Variants in CNTLN observed in about 807,000 individuals in gnomAD.
CNTLN encodes the protein centlein.
In CNTLN, 212 loss-of-function variants were observed where a neutral mutation model predicts 180.0. The observed-to-expected ratio is 1.18, with a 90% CI of 1.05 to 1.32. The LOEUF (loss-of-function observed/expected upper bound fraction) is 1.32, where lower values mean the gene tolerates loss of function less well. Among genes scored for constraint, CNTLN ranks in the 40% most tolerant of loss-of-function variants. The probability of loss-of-function intolerance (pLI) is 0.00; values close to 1 mark genes in which losing one functional copy is unlikely to be tolerated. For missense variants in CNTLN, 2,095 were observed against 1,610.9 expected (o/e 1.30, Z -5.14); for synonymous variants, 722 against 563.1 (o/e 1.28, Z -3.99).
chr9:17,334,828 G>A (rs1038351536), intron 10 of CNTLN, among the ~76,000 whole-genome samples: 1 of 151,576 alleles, frequency 6.6e-6, no homozygotes, highest in African/African-American at 2.4e-5. Flanking sequence ...TCTGGGTGAT[G>A]GGATCAATAG....
chr9:17,452,246 G>A (rs1391760415), intron 18 of CNTLN, among the ~76,000 whole-genome samples: 2 of 151,972 alleles, frequency 1.3e-5, no homozygotes, highest in Admixed American at 6.6e-5. Context: ...ATTTTTTCTG[G>A]TAGTTCATTC....
intron 2 of CNTLN, among the ~76,000 whole-genome samples, chr9:17,180,346 TTATTA>T (rs57685282): frequency 0.18 from 26,045 of 145,498 alleles, 2,458 homozygotes; most frequent in South Asian, 0.28. Context: ...GTTGCTCTAA[TTATTA>T]TATTATATTA....
At chr9:17,399,762 A>G (rs1403587774) in intron 15 of CNTLN, among the ~76,000 whole-genome samples, 1 of 152,198 alleles carries the variant, frequency 6.6e-6, no homozygotes, top group African/African-American at 2.4e-5. Flanking sequence ...CCTGAAACAG[A>G]TTATAAGATC....
chr9:17,301,416 AAG>A (rs939477774), intron 7 of CNTLN: 7 of 985,310 alleles, frequency 7.1e-6, no homozygotes, highest in African/African-American at 7.0e-5. Flanking sequence ...ATAAAAATAA[AAG>A]AGAACAAACT....
chr9:17,460,991 G>GA, intron 19 of CNTLN, among the ~76,000 whole-genome samples: 1 of 151,220 alleles, frequency 6.6e-6, no homozygotes, highest in Non-Finnish European at 1.5e-5. Context: ...GATTGACAGA[G>GA]AAAAAAAGGC....
At chr9:17,150,789 A>AT (rs1418368758) in intron 2 of CNTLN, among the ~76,000 whole-genome samples, 1 of 152,108 alleles carries the variant, frequency 6.6e-6, no homozygotes, top group East Asian at 1.9e-4. Flanking sequence ...TGAGCATGGA[A>AT]TTTTTTTCCA....
At chr9:17,241,637 T>C (rs1285977277) in intron 5 of CNTLN, among the ~76,000 whole-genome samples, 2 of 152,168 alleles carry the variant, frequency 1.3e-5, no homozygotes, top group Admixed American at 6.5e-5. Context: ...GTAATGGCTT[T>C]GGGCAGTATG....
intron 2 of CNTLN, among the ~76,000 whole-genome samples, chr9:17,214,442 T>C (rs983699964): frequency 1.3e-5 from 2 of 152,238 alleles, no homozygotes; most frequent in African/African-American, 4.8e-5. Context: ...TCTGATGGGC[T>C]TCCCTTTGTG....
chr9:17,308,998 A>G (rs1818937922), intron 7 of CNTLN, 60 bp from the exon 8 acceptor site: 1 of 1,146,704 alleles, frequency 8.7e-7, no homozygotes, highest in African/African-American at 1.6e-5. Context: ...ACACACACAG[A>G]CACACAGACA....
In CNTLN at chr9:17,484,356, A is replaced by C. The variant is rs1448560544; in HGVS notation, c.3917A>C (p.Lys1306Thr). The change falls in exon 24 of 26, where the codon AAA (lysine) becomes ACA (threonine). Residue 1306 changes from lysine (K) to threonine (T), a missense_variant. Physicochemically the swap from Lys to Thr is moderately conservative, Grantham distance 78. Transcript: ENST00000380647. ...HVVRRQIREL[K>T]KMKKNRDACK... The stretch of plus-strand genomic sequence containing the variant: ...GTAAGGCGACAAATAAGAGAGCTTA[A>C]AAAAATGAAGAAAAACAGGGACGCC... The C allele has an allele frequency of 3.1e-6, 5 of 1,612,482 alleles. No homozygotes were observed. The African/African-American group carries it at 6.7e-5, about 22-fold the overall frequency.
At chr9:17,240,425 C>T (rs1825413987) in intron 5 of CNTLN, among the ~76,000 whole-genome samples, 1 of 152,014 alleles carries the variant, frequency 6.6e-6, no homozygotes, top group Non-Finnish European at 1.5e-5. Context: ...TCACTTCTTC[C>T]TTTCTAATCT....
Position 17,466,864 on chromosome 9 carries a change from A to C in CNTLN, c.3828A>C (p.Lys1276Asn). 3 of 1,609,842 alleles carry C rather than the reference A, an allele frequency of 1.9e-6. No homozygotes were observed. The highest frequency in any genetic ancestry group is 1.1e-5 in the South Asian group (1 of 90,742). ...AQKTLLLANE[K>N]VEEFTTFVKA... The stretch of plus-strand genomic sequence containing the variant: ...AGACATTGCTGTTAGCCAATGAAAA[A>C]GTAGAAGAGTTCACCACATTTGTGA... Residue 1276 changes from lysine (K) to asparagine (N), a missense_variant, in exon 23 of 26, where the codon AAA becomes AAC. Physicochemically the swap from Lys to Asn is moderately conservative, Grantham distance 94. Transcript: ENST00000380647.
chr9:17,356,830 T>C (rs575232144), intron 12 of CNTLN, among the ~76,000 whole-genome samples: 14 of 152,262 alleles, frequency 9.2e-5, no homozygotes, highest in African/African-American at 3.4e-4. Flanking sequence ...AAAGCTCTTC[T>C]ATGCGTTTCC....
chr9:17,468,190 G>C (rs567756456), intron 23 of CNTLN, among the ~76,000 whole-genome samples: 1 of 151,538 alleles, frequency 6.6e-6, no homozygotes, highest in Non-Finnish European at 1.5e-5. Context: ...CCTAAACATT[G>C]AGTACACATG....
chr9:17,377,519 C>T lies in CNTLN; in HGVS notation c.1988-10643C>T, dbSNP rs145976396. On this transcript the variant is annotated intron_variant, in intron 13 of 25. Coordinates refer to ENST00000380647, the MANE Select transcript of CNTLN (RefSeq NM_017738.4). ...TTGCGTCATTGCACTGCAGCCTGGG[C>T]GCCACTTCACTCCAGCCTGGGTGAA... Among the ~76,000 whole-genome samples, 322 of 151,966 alleles carry T rather than the reference C, an allele frequency of 2.1e-3. 1 individual carries two copies. Among genetic ancestry groups the T allele is most frequent in the African/African-American group, 7.3e-3 (304 of 41,488 alleles).
chr9:17,173,180 T>C (rs1345000469), intron 2 of CNTLN, among the ~76,000 whole-genome samples: 1 of 152,130 alleles, frequency 6.6e-6, no homozygotes, highest in Admixed American at 6.5e-5. Context: ...ATAGCTATAA[T>C]GCTGAATAAT....
chr9:17,368,133 C>G (rs1020150789), intron 13 of CNTLN, among the ~76,000 whole-genome samples: 4 of 149,570 alleles, frequency 2.7e-5, no homozygotes, highest in Admixed American at 2.7e-4. Context: ...AAAGGTGAGT[C>G]CCAGGCCTGG....
intron 2 of CNTLN, among the ~76,000 whole-genome samples, chr9:17,185,254 G>A (rs1821356698): frequency 6.6e-6 from 1 of 152,124 alleles, no homozygotes; most frequent in Admixed American, 6.5e-5. Flanking sequence ...TATTGCAATA[G>A]ATAATATGTC....
chr9:17,429,571 C>G (rs372749173), intron 18 of CNTLN, among the ~76,000 whole-genome samples: 2 of 152,088 alleles, frequency 1.3e-5, no homozygotes, highest in East Asian at 3.9e-4. Context: ...AAAGAATTTT[C>G]ACATACTTTC....
Sources: gnomAD v4.1 joint callset for allele counts (sites outside exome capture counted in the v4.1 genomes callset) on GRCh38, gnomAD v4.1.1 for gene constraint, MANE v1.5 for transcripts, NCBI Gene and HGNC (gene_info 2026-07-23, HGNC 2026-07-21) for gene names.